FNIP2: variants seen among roughly 807,000 people sequenced by gnomAD.
FNIP2 encodes the protein folliculin-interacting protein 2.
Under a neutral mutation model 108.7 loss-of-function variants are expected in FNIP2, and 32 were observed. That is an observed-to-expected ratio of 0.29 (90% CI 0.22 to 0.40). FNIP2 has a LOEUF of 0.40. Among genes scored for constraint, FNIP2 ranks in the 10% least tolerant of loss-of-function variants. The pLI is 1.00. For missense variants in FNIP2, 1,202 were observed against 1,381.6 expected, an observed-to-expected ratio of 0.87 and a Z score of 2.06; for synonymous variants, 480 against 496.7, an observed-to-expected ratio of 0.97 and a Z score of 0.45.
chr4:158,825,183 C>T (rs1202562957), intron 1 of FNIP2, among the ~76,000 whole-genome samples: 1 of 152,172 alleles, frequency 6.6e-6, no homozygotes, highest in African/African-American at 2.4e-5. Flanking sequence ...TGAGTATATC[C>T]AAAGCAGTGC....
chr4:158,879,819 G>A (rs990609463), intron 14 of FNIP2, among the ~76,000 whole-genome samples: 1 of 150,416 alleles, frequency 6.6e-6, no homozygotes, highest in Non-Finnish European at 1.5e-5. Flanking sequence ...AGACATTTAT[G>A]CAGCCAACAG....
At chr4:158,878,247 G>C (rs912082589) in intron 14 of FNIP2, among the ~76,000 whole-genome samples, 2 of 152,148 alleles carry the variant, frequency 1.3e-5, no homozygotes, top group African/African-American at 4.8e-5. Context: ...AGATTCACCC[G>C]AGGATGAAAG....
At chr4:158,824,459 G>C (rs1162705505) in intron 1 of FNIP2, among the ~76,000 whole-genome samples, 1 of 151,860 alleles carries the variant, frequency 6.6e-6, no homozygotes, top group Non-Finnish European at 1.5e-5. Context: ...CTTTCACCTC[G>C]GGCACCTCTC....
intron 1 of FNIP2, among the ~76,000 whole-genome samples, chr4:158,796,732 A>G (rs1776602966): frequency 6.6e-6 from 1 of 152,224 alleles, no homozygotes. Context: ...AAATGCTCAC[A>G]TTTAACATCT....
At chr4:158,806,366 A>C in intron 1 of FNIP2, 1 of 1,289,432 alleles carries the variant, frequency 7.8e-7, no homozygotes, top group South Asian at 1.2e-5. Context: ...TTATGCACAA[A>C]GATTAAAAAA....
At chr4:158,811,116 A>G (rs1053972958) in intron 1 of FNIP2, among the ~76,000 whole-genome samples, 2 of 152,338 alleles carry the variant, frequency 1.3e-5, no homozygotes, top group African/African-American at 4.8e-5. Flanking sequence ...TGTGGGTTAT[A>G]AAAACACCCA....
chr4:158,903,015 CG>C (rs1729477740), intron 16 of FNIP2, among the ~76,000 whole-genome samples: 1 of 152,166 alleles, frequency 6.6e-6, no homozygotes, highest in Non-Finnish European at 1.5e-5. Context: ...GCTAGCATTC[CG>C]GGTGCCACTG....
intron 7 of FNIP2, chr4:158,835,806 G>A (rs1407433827): frequency 5.8e-6 from 1 of 171,308 alleles, no homozygotes; most frequent in Non-Finnish European, 1.3e-5. Flanking sequence ...GAAGAGAAGG[G>A]TTTGTGGAAG....
At chr4:158,829,307 C>A in intron 3 of FNIP2, 82 bp downstream of exon 3, 1 of 1,241,090 alleles carries the variant, frequency 8.1e-7, no homozygotes, top group Non-Finnish European at 1.1e-6. Flanking sequence ...AATGCCTGCT[C>A]GAGGGCTCTA....
chr4:158,885,087 C>G (rs1223281159), intron 14 of FNIP2, among the ~76,000 whole-genome samples: 2 of 152,096 alleles, frequency 1.3e-5, no homozygotes, highest in East Asian at 3.9e-4. Flanking sequence ...GCCTGGGAAG[C>G]AGAGGTTGCA....
rs1282019140 is a variant in FNIP2 at position 158,904,700 on chromosome 4, GCTTCATTGAAGA to G, written c.*160_*171del. 1.5e-6 allele frequency: 1 copy of G among 648,798 alleles called. No individual in the cohort carries two copies. The highest frequency in any genetic ancestry group is 2.7e-6 in the Non-Finnish European group (1 of 375,188). The allele number at this position is 648,798 out of a possible 1,614,324, so 40.2% of individuals were successfully genotyped here. A position where few individuals can be genotyped will look rare whatever the true frequency, so the allele number is the denominator to read the frequency against. ...TTTGTGTTTTTGCTGTCAAGCTGAT[GCTTCATTGAAGA>G]CTTAGGTTTACTTGACATAATAGCA... On this transcript the variant is annotated 3_prime_UTR_variant, in exon 17 of 17. Transcript: ENST00000264433.
intron 1 of FNIP2, among the ~76,000 whole-genome samples, chr4:158,809,360 G>A (rs1044798987): frequency 1.3e-5 from 2 of 152,206 alleles, no homozygotes; most frequent in Admixed American, 1.3e-4. Context: ...TTGGGATGCT[G>A]AAGCAGGATA....
At chr4:158,797,099 A>C (rs1229043203) in intron 1 of FNIP2, among the ~76,000 whole-genome samples, 2 of 152,150 alleles carry the variant, frequency 1.3e-5, no homozygotes, top group Non-Finnish European at 2.9e-5. Context: ...CAGCTTTCTT[A>C]GTTGTCGTAG....
At chr4:158,899,281 T>A (rs1782982465) in intron 16 of FNIP2, among the ~76,000 whole-genome samples, 1 of 152,234 alleles carries the variant, frequency 6.6e-6, no homozygotes, top group African/African-American at 2.4e-5. Flanking sequence ...TGCATTGATG[T>A]TCATCAGGGA....
intron 14 of FNIP2, among the ~76,000 whole-genome samples, chr4:158,886,766 A>G (rs77041586): frequency 1.1e-4 from 17 of 152,352 alleles, no homozygotes; most frequent in East Asian, 7.7e-4. Context: ...ACTATATTTA[A>G]TATTAGTGTT....
At chr4:158,831,828 G>A (rs759596868) in intron 3 of FNIP2, 33 bp from the exon 4 acceptor site, 35 of 1,382,592 alleles carry the variant, frequency 2.5e-5, no homozygotes, top group Admixed American at 7.2e-5. Context: ...CATGTTCCAT[G>A]TACTAACTTT....
intron 15 of FNIP2, among the ~76,000 whole-genome samples, chr4:158,893,974 A>T (rs549137182): frequency 2.0e-4 from 30 of 152,056 alleles, no homozygotes; most frequent in Middle Eastern, 3.4e-3. Flanking sequence ...AATTCTCCTT[A>T]AAAAAAATCA....
chr4:158,887,658 G>A (rs1475282927), intron 14 of FNIP2, among the ~76,000 whole-genome samples: 6 of 142,760 alleles, frequency 4.2e-5, no homozygotes, highest in African/African-American at 1.6e-4. Flanking sequence ...AATTGCTTGA[G>A]CTCAGGAGGC....
chr4:158,802,379 C>CT (rs749338887), intron 1 of FNIP2, among the ~76,000 whole-genome samples: 2,575 of 146,346 alleles, frequency 0.018, 43 homozygotes, highest in Admixed American at 0.06. Flanking sequence ...AAGAGGGATT[C>CT]TTTTTTTTTT....
Sources: gnomAD v4.1 joint callset for allele counts (sites outside exome capture counted in the v4.1 genomes callset) on GRCh38, gnomAD v4.1.1 for gene constraint, MANE v1.5 for transcripts, NCBI Gene and HGNC (gene_info 2026-07-23, HGNC 2026-07-21) for gene names.